Variants in PRH1 observed in about 807,000 individuals in gnomAD.
PRH1 encodes proline rich protein HaeIII subfamily 1.
Under a neutral mutation model 7.9 loss-of-function variants are expected in PRH1, and 7 were observed. The observed-to-expected ratio is 0.89, with a 90% CI of 0.50 to 1.67. The LOEUF (loss-of-function observed/expected upper bound fraction) is 1.67, where lower values mean the gene tolerates loss of function less well. Among genes scored for constraint, PRH1 ranks in the 40% most tolerant of loss-of-function variants. The pLI is 0.00. For missense variants in PRH1, 109 were observed against 223.6 expected, an observed-to-expected ratio of 0.49 and a Z score of 3.27; for synonymous variants, 45 against 80.8, an observed-to-expected ratio of 0.56 and a Z score of 2.38.
At chr12:10,996,245 C>T (rs189435466) in intron 1 of PRH1, among the ~76,000 whole-genome samples, 3 of 151,868 alleles carry the variant, frequency 2.0e-5, no homozygotes, top group Non-Finnish European at 4.4e-5. Flanking sequence ...ATGGAAATCA[C>T]TTGAACCCCA....
chr12:11,090,315 T>C (rs1214206880), intron 1 of PRH1, among the ~76,000 whole-genome samples: 1 of 116,406 alleles, frequency 8.6e-6, no homozygotes, highest in African/African-American at 2.9e-5. Context: ...TTGATTTTAT[T>C]TTTCAAAAAG....
chr12:11,060,234 C>T (rs990499858), intron 1 of PRH1, among the ~76,000 whole-genome samples: 1 of 151,290 alleles, frequency 6.6e-6, no homozygotes, highest in Non-Finnish European at 1.5e-5. Flanking sequence ...ATGTCAACCA[C>T]TTTCATTTCA....
chr12:11,008,948 CTT>C (rs1479617204), intron 1 of PRH1, among the ~76,000 whole-genome samples: 1 of 151,890 alleles, frequency 6.6e-6, no homozygotes, highest in African/African-American at 2.4e-5. Context: ...CCAAAAAATA[CTT>C]TAACTAAATT....
At chr12:11,001,439 A>T (rs1259462269) in intron 1 of PRH1, among the ~76,000 whole-genome samples, 2 of 152,068 alleles carry the variant, frequency 1.3e-5, no homozygotes, top group Non-Finnish European at 2.9e-5. Context: ...TAAAATTCTC[A>T]CTTTAGATGT....
At chr12:11,052,380 A>G (rs1242499877) in intron 1 of PRH1, among the ~76,000 whole-genome samples, 1 of 152,256 alleles carries the variant, frequency 6.6e-6, no homozygotes, top group Non-Finnish European at 1.5e-5. Context: ...TGTTAAAATC[A>G]GGTTGTATTT....
intron 1 of PRH1, chr12:11,133,516 C>G: frequency 6.2e-7 from 1 of 1,614,094 alleles, no homozygotes; most frequent in Non-Finnish European, 8.5e-7. Flanking sequence ...TGATCATGGA[C>G]AGAAAGTAAA....
intron 2 of PRH1, among the ~76,000 whole-genome samples, chr12:10,924,757 C>A (rs1450094886): frequency 6.6e-6 from 1 of 152,098 alleles, no homozygotes. Flanking sequence ...GGAATGTATC[C>A]ATTTCTTCTA....
intron 1 of PRH1, among the ~76,000 whole-genome samples, chr12:11,071,049 T>A (rs1944044057): frequency 6.6e-6 from 1 of 150,866 alleles, no homozygotes; most frequent in Non-Finnish European, 1.5e-5. Flanking sequence ...TAGCCATTCA[T>A]AAATGCAAAT....
intron 2 of PRH1, chr12:10,938,620 T>C: frequency 6.2e-7 from 1 of 1,613,882 alleles, no homozygotes; most frequent in South Asian, 1.1e-5. Context: ...GAAGAAACAT[T>C]GCCAGGGACA....
At chr12:10,996,871 G>A in intron 1 of PRH1, 1 of 1,422,112 alleles carries the variant, frequency 7.0e-7, no homozygotes, top group Admixed American at 2.4e-5. Flanking sequence ...GGAAAAACTT[G>A]TGGGAAATAT....
rs558513851 is a variant in PRH1 at position 11,097,409 on chromosome 12, A to C, written n.124-50221T>G. The stretch of plus-strand genomic sequence containing the variant: ...TGGTCCTAAAATCCGCTCTTTAGAA[A>C]TAAAAGCGTGCTCAAAAAATGTGTT... On this transcript the variant is annotated intron_variant and non_coding_transcript_variant, in intron 1 of 4. Transcript: ENST00000541977. The C allele has an allele frequency of 3.2e-3, 371 of 116,394 alleles. 122 individuals are homozygous for C. Among genetic ancestry groups the C allele is most frequent in the Non-Finnish European group, 5.5e-3 (271 of 48,920 alleles). The allele number at this position is 116,394 out of a possible 1,614,324, so 7.2% of individuals were successfully genotyped here. A position where few individuals can be genotyped will look rare whatever the true frequency, so the allele number is the denominator to read the frequency against.
At chr12:11,170,504 G>A (rs1263738788) in intron 1 of PRH1, among the ~76,000 whole-genome samples, 1 of 152,158 alleles carries the variant, frequency 6.6e-6, no homozygotes, top group Non-Finnish European at 1.5e-5. Context: ...CCGAGATCGC[G>A]CCACTGCACT....
intron 1 of PRH1, among the ~76,000 whole-genome samples, chr12:11,132,279 T>C (rs2136362674): frequency 6.6e-6 from 1 of 152,394 alleles, no homozygotes; most frequent in African/African-American, 2.4e-5. Context: ...ATTTTAACAC[T>C]TAAAAAAAGT....
intron 1 of PRH1, chr12:11,031,363 T>C: frequency 6.8e-7 from 1 of 1,476,474 alleles, no homozygotes; most frequent in South Asian, 1.3e-5. Flanking sequence ...AAAATTGTTT[T>C]AATGCTGGTG....
At chr12:11,114,186 C>T (rs1945667785) in intron 1 of PRH1, among the ~76,000 whole-genome samples, 1 of 152,134 alleles carries the variant, frequency 6.6e-6, no homozygotes, top group African/African-American at 2.4e-5. Context: ...AATTATTCTA[C>T]TATAAAGACA....
chr12:11,039,633 G>T (rs1212815316), intron 1 of PRH1, among the ~76,000 whole-genome samples: 1 of 152,222 alleles, frequency 6.6e-6, no homozygotes, highest in African/African-American at 2.4e-5. Context: ...GGCATAACTA[G>T]GATCATCACC....
At chr12:10,907,733 A>C (rs949434888) in intron 2 of PRH1, among the ~76,000 whole-genome samples, 2 of 150,728 alleles carry the variant, frequency 1.3e-5, no homozygotes, top group Non-Finnish European at 3.0e-5. Flanking sequence ...TGAAATGTGG[A>C]CTAACATGTT....
intron 2 of PRH1, among the ~76,000 whole-genome samples, chr12:10,969,385 ATAGAAG>A (rs1370457636): frequency 6.6e-6 from 1 of 152,140 alleles, no homozygotes; most frequent in African/African-American, 2.4e-5. Flanking sequence ...GAAAACAGGG[ATAGAAG>A]TACTCCCTTT....
intron 1 of PRH1, among the ~76,000 whole-genome samples, chr12:11,073,121 T>A (rs1191882920): frequency 5.9e-5 from 5 of 85,146 alleles, no homozygotes; most frequent in African/African-American, 1.8e-4. Flanking sequence ...TGTCGAAAAA[T>A]CCATTTATTT....
Sources: allele counts gnomAD v4.1 joint callset (sites outside exome capture counted in the v4.1 genomes callset), GRCh38; gene constraint gnomAD v4.1.1; transcripts MANE v1.5; gene names NCBI Gene and HGNC (gene_info 2026-07-23, HGNC 2026-07-21).